The following LASP1 variants were observed in gnomAD, a reference collection of about 807,000 sequenced individuals.
The protein encoded by LASP1 is LIM and SH3 domain protein 1.
A neutral mutation model predicts 38.6 loss-of-function variants in LASP1; 10 were observed. That is an observed-to-expected ratio of 0.26 (90% CI 0.16 to 0.44). LASP1 has a LOEUF of 0.44. LASP1 is among the 20% of genes least tolerant of loss of function. The pLI, the probability that LASP1 is intolerant of heterozygous loss-of-function variation, is 1.00. For missense variants in LASP1, 243 were observed against 375.7 expected (o/e 0.65, Z 2.92); for synonymous variants, 132 against 140.8 (o/e 0.94, Z 0.44).
At chr17:38,877,914 C>T (rs1024389151) in intron 1 of LASP1, among the ~76,000 whole-genome samples, 172 bp from the exon 2 acceptor site, 2 of 152,118 alleles carry the variant, frequency 1.3e-5, no homozygotes, top group Non-Finnish European at 2.9e-5. Context: ...GAGGGGAGTG[C>T]CAAAGCCTGT....
At chr17:38,898,703 A>G (rs1156573033) in intron 4 of LASP1, 184 bp downstream of exon 4, 1 of 666,858 alleles carries the variant, frequency 1.5e-6, no homozygotes, top group Non-Finnish European at 2.8e-6. Context: ...GTACCCCCAG[A>G]CCACCAGCAC....
At chr17:38,904,101 CA>C (rs1953114663) in intron 4 of LASP1, among the ~76,000 whole-genome samples, 2 of 152,110 alleles carry the variant, frequency 1.3e-5, no homozygotes, top group South Asian at 4.1e-4. Context: ...GTAACATATA[CA>C]ATAAACACCT....
intron 3 of LASP1, among the ~76,000 whole-genome samples, chr17:38,898,186 C>G (rs1598113982): frequency 1.3e-5 from 2 of 152,226 alleles, no homozygotes; most frequent in East Asian, 3.8e-4. Flanking sequence ...GCCCTGGACT[C>G]TGTGCCTGCC....
chr17:38,892,997 A>G (rs986745337), intron 3 of LASP1, among the ~76,000 whole-genome samples: 53 of 151,230 alleles, frequency 3.5e-4, no homozygotes, highest in African/African-American at 1.1e-3. Flanking sequence ...GCACGCGTGT[A>G]TGTGTGTGTG....
At chr17:38,872,458 C>A (rs952770467) in intron 1 of LASP1, among the ~76,000 whole-genome samples, 1 of 152,164 alleles carries the variant, frequency 6.6e-6, no homozygotes, top group Non-Finnish European at 1.5e-5. Flanking sequence ...TTTTAGAACT[C>A]TCCCTATAGG....
chr17:38,876,176 CTTT>C (rs899457098), intron 1 of LASP1, among the ~76,000 whole-genome samples: 2 of 127,620 alleles, frequency 1.6e-5, no homozygotes, highest in Non-Finnish European at 3.2e-5. Flanking sequence ...GATCGTTTCT[CTTT>C]TTTTTTTTTT....
At chr17:38,871,475 GCTGGGAGGA>G (rs1913608251) in intron 1 of LASP1, among the ~76,000 whole-genome samples, 1 of 152,080 alleles carries the variant, frequency 6.6e-6, no homozygotes, top group African/African-American at 2.4e-5. Context: ...AACTGGGAGG[GCTGGGAGGA>G]CTGGATGGAA....
intron 4 of LASP1, among the ~76,000 whole-genome samples, chr17:38,906,597 C>T (rs1914781682): frequency 6.6e-6 from 1 of 151,662 alleles, no homozygotes; most frequent in African/African-American, 2.4e-5. Flanking sequence ...TAAGGGCACC[C>T]AAAAAAAGAC....
intron 1 of LASP1, among the ~76,000 whole-genome samples, chr17:38,875,231 G>T (rs1913733989): frequency 6.6e-6 from 1 of 152,168 alleles, no homozygotes; most frequent in South Asian, 2.1e-4. Context: ...ACTGGGTGGT[G>T]ACCAGGCTGG....
At chr17:38,880,797 C>T (rs1214957085) in intron 2 of LASP1, among the ~76,000 whole-genome samples, 1 of 152,178 alleles carries the variant, frequency 6.6e-6, no homozygotes. Context: ...CCTTGGTTTC[C>T]CCATGGTTAA....
chr17:38,878,035 T>C (rs1913831203), intron 1 of LASP1, 51 bp from the exon 2 acceptor site: 4 of 1,431,384 alleles, frequency 2.8e-6, no homozygotes, highest in Non-Finnish European at 3.9e-6. Context: ...CCTGAGCCCC[T>C]TTTTCAGAAG....
At position 38,870,144 on chromosome 17, in the gene LASP1, G is replaced by C; in HGVS notation, c.-46G>C. The C allele has an allele frequency of 6.2e-7, 1 of 1,608,920 alleles. No individual in the cohort carries two copies. The highest frequency in any genetic ancestry group is 8.5e-7 in the Non-Finnish European group (1 of 1,178,284). ...CCCGCCAGCTCGCCTCGGGGAACAG[G>C]ACGCGCGTGAGCTCAGGCGTCCCCG... On this transcript the variant is annotated 5_prime_UTR_variant, in exon 1 of 7. Coordinates refer to ENST00000318008, the MANE Select transcript of LASP1 (RefSeq NM_006148.4).
chr17:38,875,082 TGTGTGTGA>T (rs1375998467), intron 1 of LASP1, among the ~76,000 whole-genome samples: 2 of 148,836 alleles, frequency 1.3e-5, no homozygotes, highest in Non-Finnish European at 1.5e-5. Context: ...TGTGTGTGTG[TGTGTGTGA>T]GAAAGTGGGT....
chr17:38,921,134 G>A lies in LASP1; in HGVS notation c.*2356G>A, dbSNP rs868369624. The A allele has an allele frequency of 5.2e-5, 12 of 229,558 alleles. No individual in the cohort carries two copies. Among genetic ancestry groups the A allele is most frequent in the Middle Eastern group, 2.6e-3 (2 of 764 alleles). 14.2% of individuals were successfully genotyped at this position (229,558 alleles called of 1,614,324 possible). A position where few individuals can be genotyped will look rare whatever the true frequency, so the allele number is the denominator to read the frequency against. ...GCTGAGTGACCGGGGGCTGCTGGGC[G>A]TCTGTTCTTTACCAAAACCATCCAT... On this transcript the variant is annotated 3_prime_UTR_variant, in exon 7 of 7. Transcript: ENST00000318008.
chr17:38,904,514 A>T (rs1055016942), intron 4 of LASP1: 2 of 151,456 alleles, frequency 1.3e-5, no homozygotes, highest in African/African-American at 4.9e-5. Context: ...AATTGCTTGA[A>T]CCCGGGAAGT....
chr17:38,887,867 C>CCCA (rs1334458242), intron 2 of LASP1, among the ~76,000 whole-genome samples: 1 of 152,300 alleles, frequency 6.6e-6, no homozygotes, highest in African/African-American at 2.4e-5. Context: ...TGATGCACGG[C>CCCA]CATGTGGGCG....
At chr17:38,881,424 G>T (rs1913946720) in intron 2 of LASP1, among the ~76,000 whole-genome samples, 1 of 152,116 alleles carries the variant, frequency 6.6e-6, no homozygotes, top group Non-Finnish European at 1.5e-5. Flanking sequence ...CCACAGGCAT[G>T]TGGCGCCATG....
At chr17:38,877,923 G>A (rs1296933722) in intron 1 of LASP1, among the ~76,000 whole-genome samples, 163 bp from the exon 2 acceptor site, 1 of 152,156 alleles carries the variant, frequency 6.6e-6, no homozygotes, top group African/African-American at 2.4e-5. Context: ...GCCAAAGCCT[G>A]TGACCTGAAA....
chr17:38,905,934 C>A (rs1914766016), intron 4 of LASP1, among the ~76,000 whole-genome samples: 1 of 152,126 alleles, frequency 6.6e-6, no homozygotes, highest in African/African-American at 2.4e-5. Context: ...GTGGCATCCA[C>A]CTGTAGTCCC....
Sources: gnomAD v4.1 joint callset for allele counts (sites outside exome capture counted in the v4.1 genomes callset) on GRCh38, gnomAD v4.1.1 for gene constraint, MANE v1.5 for transcripts, NCBI Gene and HGNC (gene_info 2026-07-23, HGNC 2026-07-21) for gene names.